The following DOCK7 variants were observed in gnomAD, a reference collection of about 807,000 sequenced individuals.
The protein encoded by DOCK7 is dedicator of cytokinesis protein 7.
Under a neutral mutation model 271.0 loss-of-function variants are expected in DOCK7, and 138 were observed. The ratio of observed to expected loss-of-function variants is 0.51; its 90% CI spans 0.44 to 0.59. The LOEUF (loss-of-function observed/expected upper bound fraction) is 0.59, where lower values mean the gene tolerates loss of function less well. DOCK7 is among the 20% of genes least tolerant of loss of function. The probability of loss-of-function intolerance (pLI) is 0.00; values close to 1 mark genes in which losing one functional copy is unlikely to be tolerated. For missense variants in DOCK7, 2,066 were observed against 2,592.4 expected (o/e 0.80, Z 4.41); for synonymous variants, 823 against 876.1 (o/e 0.94, Z 1.07).
intron 4 of DOCK7, among the ~76,000 whole-genome samples, chr1:62,651,178 A>G (rs1657308572): frequency 6.6e-6 from 1 of 151,712 alleles, no homozygotes; most frequent in Admixed American, 6.6e-5. Flanking sequence ...CATCATTCTC[A>G]GCAAACTATT....
intron 31 of DOCK7, 90 bp from the exon 32 acceptor site, chr1:62,513,988 A>G: frequency 8.4e-7 from 1 of 1,188,808 alleles, no homozygotes; most frequent in Non-Finnish European, 1.2e-6. Context: ...AAAAACAATA[A>G]AACAAAAGTT....
Position 62,654,085 on chromosome 1 carries a change from A to T in DOCK7, c.219T>A (p.Ser73=). The change falls in exon 3 of 50, where the codon TCT becomes TCA. Residue 73 remains serine (S), a synonymous_variant. Transcript: ENST00000635253. ...YLITHPLAVD[S]GPLRDLIEFP... is the part of the protein sequence containing the mutation. ...ATTCAATCAAATCCCGTAAAGGCCC[A>T]GAATCCACAGCCAAAGGATGAGTAA... The T allele has an allele frequency of 6.2e-7, 1 of 1,614,040 alleles. No homozygotes were observed. Among genetic ancestry groups the T allele is most frequent in the African/African-American group, 1.3e-5 (1 of 75,036 alleles).
rs1167374375 is a variant in DOCK7, at chr1:62,648,279, G to A, written c.559C>T (p.Pro187Ser). The A allele has an allele frequency of 6.2e-7, 1 of 1,613,352 alleles. No individual in the cohort carries two copies. Among genetic ancestry groups the A allele is most frequent in the Non-Finnish European group, 8.5e-7 (1 of 1,179,610 alleles). Reference sequence around the variant, plus strand: ...ATACTACAGGCCCAGCTACCCCTTGGGGTATCATCTATTGACATTGAACGT... The same window carrying A: ...ATACTACAGGCCCAGCTACCCCTTGAGGTATCATCTATTGACATTGAACGT... The part of the protein sequence containing the change: ...KRRSMSIDDT[P>S]RGSWACSIFD... The change falls in exon 6 of 50, where the codon CCA becomes TCA. Residue 187 changes from proline (P) to serine (S), a missense_variant. By Grantham distance (74) the Pro-to-Ser change is moderately conservative (BLOSUM62 -1). Transcript: ENST00000635253.
intron 14 of DOCK7, among the ~76,000 whole-genome samples, chr1:62,616,402 A>T (rs899595898): frequency 1.3e-5 from 2 of 151,810 alleles, no homozygotes; most frequent in African/African-American, 4.8e-5. Flanking sequence ...AAACAAATAT[A>T]AATAATGGTG....
intron 14 of DOCK7, chr1:62,598,157 C>T (rs1055999591): frequency 5.2e-6 from 6 of 1,151,324 alleles, no homozygotes; most frequent in Middle Eastern, 3.2e-4. Flanking sequence ...TACTTTGTTG[C>T]ATTGTTGAAA....
At chr1:62,668,924 CAAA>C (rs11308465) in intron 1 of DOCK7, among the ~76,000 whole-genome samples, 44 of 113,294 alleles carry the variant, frequency 3.9e-4, no homozygotes, top group Non-Finnish European at 4.0e-4. Context: ...GACCTTGCCT[CAAA>C]AAAAAAAAAA....
In DOCK7 at chr1:62,688,333, C is replaced by T. The variant is rs1435689534; in HGVS notation, c.-69G>A. On this transcript the variant is annotated 5_prime_UTR_variant, in exon 1 of 50. Coordinates refer to ENST00000635253, the MANE Select transcript of DOCK7 (RefSeq NM_001367561.1). ...CGGGTGCGGACCGGCGGGCGCGTGC[C>T]TCCTCGCTCGTGCTCCCTCCCTCGC... The T allele has an allele frequency of 1.9e-6, 2 of 1,071,576 alleles. No individual in the cohort carries two copies. Among genetic ancestry groups the T allele is most frequent in the African/African-American group, 1.7e-5 (1 of 59,900 alleles). 66.4% of individuals were successfully genotyped at this position (1,071,576 alleles called of 1,614,324 possible). A position where few individuals can be genotyped will look rare whatever the true frequency, so the allele number is the denominator to read the frequency against.
rs747518912 is a variant in DOCK7 at position 62,648,269 on chromosome 1, C to T, written c.569G>A (p.Ser190Asn). ...SMSIDDTPRG[S>N]WACSIFDLKN... ...CAAGTCAAAGATACTACAGGCCCAGCTACCCCTTGGGGTATCATCTATTGA... is the reference window on the plus strand; with the variant it reads ...CAAGTCAAAGATACTACAGGCCCAGTTACCCCTTGGGGTATCATCTATTGA... The change falls in exon 6 of 50, where the codon AGC (serine) becomes AAC (asparagine). Residue 190 changes from serine to asparagine, a missense_variant. Physicochemically the swap from Ser to Asn is conservative, Grantham distance 46 (BLOSUM62 1). Coordinates refer to ENST00000635253, the MANE Select transcript of DOCK7 (RefSeq NM_001367561.1). The T allele has an allele frequency of 3.7e-6, 6 of 1,613,478 alleles. No homozygotes were observed. In the Admixed American group the frequency reaches 6.7e-5, roughly 18 times the overall value.
intron 1 of DOCK7, among the ~76,000 whole-genome samples, chr1:62,680,801 C>A (rs1459267488): frequency 6.6e-6 from 1 of 151,598 alleles, no homozygotes; most frequent in Non-Finnish European, 1.5e-5. Flanking sequence ...TCATCACTGG[C>A]CATCAGAGAA....
intron 14 of DOCK7, among the ~76,000 whole-genome samples, chr1:62,593,966 T>C (rs139603675): frequency 8.1e-4 from 123 of 152,294 alleles, no homozygotes; most frequent in Non-Finnish European, 1.4e-3. Context: ...TCGTGTAGGA[T>C]AAAGGACTTT....
At chr1:62,508,842 GAATA>G (rs1644392475) in intron 34 of DOCK7, among the ~76,000 whole-genome samples, 1 of 151,928 alleles carries the variant, frequency 6.6e-6, no homozygotes, top group Non-Finnish European at 1.5e-5. Context: ...AAAAATGTAA[GAATA>G]ATTACACATG....
intron 14 of DOCK7, chr1:62,605,938 A>T (rs1650924908): frequency 6.6e-6 from 1 of 152,054 alleles, no homozygotes; most frequent in South Asian, 2.1e-4. Flanking sequence ...GCCAGTAAGA[A>T]ATTTTAAATT....
Position 62,471,068 on chromosome 1 carries a change from T to G in DOCK7, c.6212+2914A>C, listed in dbSNP as rs570736571. Among the ~76,000 whole-genome samples the G allele has an allele frequency of 1.8e-4, 27 of 152,216 alleles. 1 individual carries two copies. The highest frequency in any genetic ancestry group is 1.6e-3 in the Admixed American group (24 of 15,290). On this transcript the variant is annotated intron_variant, in intron 48 of 49. Transcript: ENST00000635253. ...TGATCCACTTCCACTTAATGAAGAG[T>G]AAAATATATTTTCTCTTCCTTATGA...
At chr1:62,558,888 C>T in intron 20 of DOCK7, 101 bp downstream of exon 20, 1 of 925,564 alleles carries the variant, frequency 1.1e-6, no homozygotes, top group South Asian at 1.7e-5. Context: ...AAATATAGTC[C>T]TTATATATAG....
chr1:62,479,014 T>G (rs1646043155), intron 43 of DOCK7: 1 of 152,186 alleles, frequency 6.6e-6, no homozygotes, highest in Non-Finnish European at 1.5e-5. Flanking sequence ...GCCTCCTGAG[T>G]AGCTGGGATT....
chr1:62,485,576 A>G, intron 43 of DOCK7: 6 of 985,460 alleles, frequency 6.1e-6, no homozygotes, highest in Non-Finnish European at 7.2e-6. Context: ...AAAATTAGCT[A>G]GGAAACATTG....
intron 14 of DOCK7, among the ~76,000 whole-genome samples, chr1:62,598,997 C>T (rs2149528858): frequency 6.6e-6 from 1 of 152,122 alleles, no homozygotes; most frequent in South Asian, 2.1e-4. Flanking sequence ...TTTGTGTGAC[C>T]TTGAATAAAT....
chr1:62,455,565 A>G, intron 49 of DOCK7, 109 bp from the exon 50 acceptor site: 1 of 997,834 alleles, frequency 1.0e-6, no homozygotes, highest in East Asian at 2.6e-5. Context: ...TTTTGCCACC[A>G]TTTCTTACTA....
rs755597863 is a variant in DOCK7, at chr1:62,510,689, C to T, written c.4283-16G>A. 6.3e-7 allele frequency: 1 copy of T among 1,598,312 alleles called. No individual in the cohort carries two copies. Among genetic ancestry groups the T allele is most frequent in the Non-Finnish European group, 8.6e-7 (1 of 1,167,534 alleles). ...GGGCTTCTCTCTGTCAAATAAATTT[C>T]AAAACCAATTTTCAAATGTTATTTC... is the stretch of plus-strand genomic sequence containing the variant. On this transcript the variant is annotated splice_polypyrimidine_tract_variant and intron_variant, in intron 33 of 49. Coordinates refer to ENST00000635253, the MANE Select transcript of DOCK7 (RefSeq NM_001367561.1).
Sources: allele counts gnomAD v4.1 joint callset (sites outside exome capture counted in the v4.1 genomes callset), GRCh38; gene constraint gnomAD v4.1.1; transcripts MANE v1.5; gene names NCBI Gene and HGNC (gene_info 2026-07-23, HGNC 2026-07-21).